Variants in PPFIBP2 observed in about 807,000 individuals in gnomAD.
The protein encoded by PPFIBP2 is liprin-beta-2.
Under a neutral mutation model 118.3 loss-of-function variants are expected in PPFIBP2, and 118 were observed. The observed-to-expected ratio is 1.00, with a 90% CI of 0.86 to 1.16. The LOEUF is 1.16. Ranked by LOEUF, PPFIBP2 falls within the 50% of genes most tolerant of loss-of-function variation. PPFIBP2 has a pLI of 0.00. For synonymous variants in PPFIBP2, 414 were observed against 397.4 expected (o/e 1.04, Z -0.50); for missense variants, 1,195 against 1,073.1 (o/e 1.11, Z -1.59).
chr11:7,665,718 C>G, the PPFIBP2 span: 1 of 1,167,182 alleles, frequency 8.6e-7, no homozygotes. Flanking sequence ...GTAAACAGCC[C>G]TCTGCAGCAA....
At chr11:7,538,984 A>G (rs1445702648) in intron 1 of PPFIBP2, among the ~76,000 whole-genome samples, 3 of 152,196 alleles carry the variant, frequency 2.0e-5, no homozygotes, top group Non-Finnish European at 4.4e-5. Flanking sequence ...AGCTTTGAAC[A>G]AATGTTTGCT....
rs1017213015 is a variant in PPFIBP2 at position 7,545,166 on chromosome 11, C to T, written c.-36-4274C>T. ...AGACAGGGCCAGGCATGGTGGCTCA[C>T]GCCTGTAATCCCAGCACTTTGGGAG... On this transcript the variant is annotated intron_variant, in intron 1 of 23. Transcript: ENST00000299492. 6.6e-5 allele frequency among the ~76,000 whole-genome samples: 10 copies of T among 152,166 alleles called. 1 individual carries two copies. Among genetic ancestry groups the T allele is most frequent in the Non-Finnish European group, 1.2e-4 (8 of 68,024 alleles).
chr11:7,653,319 C>A lies in PPFIBP2; in HGVS notation c.*101C>A. The A allele has an allele frequency of 6.5e-7, 1 of 1,540,968 alleles. No homozygotes were observed. Among genetic ancestry groups the A allele is most frequent in the Admixed American group, 1.9e-5 (1 of 51,556 alleles). ...CACCCCCGCACGTGTGCATGACTCG[C>A]AGAGAATATTCCAGCAATTGTGTAC... On this transcript the variant is annotated 3_prime_UTR_variant, in exon 24 of 24. Coordinates refer to ENST00000299492, the MANE Select transcript of PPFIBP2 (RefSeq NM_003621.5).
At chr11:7,621,159 G>C (rs1478564944) in intron 7 of PPFIBP2, 132 bp downstream of exon 7, 1 of 665,510 alleles carries the variant, frequency 1.5e-6, no homozygotes, top group East Asian at 2.7e-5. Flanking sequence ...ACACACAGCA[G>C]TGCCCAGATG....
intron 17 of PPFIBP2, among the ~76,000 whole-genome samples, 178 bp downstream of exon 17, chr11:7,642,604 G>C (rs1026450929): frequency 6.6e-6 from 1 of 152,142 alleles, no homozygotes. Context: ...CCTAAGTTCT[G>C]AGTTACTCAG....
At chr11:7,553,219 AATT>A (rs1177364613) in intron 2 of PPFIBP2, among the ~76,000 whole-genome samples, 1 of 141,564 alleles carries the variant, frequency 7.1e-6, no homozygotes, top group Non-Finnish European at 1.5e-5. Context: ...TGGAATAACA[AATT>A]ATTATTATTT....
chr11:7,651,820 A>C lies in PPFIBP2; in HGVS notation c.2412A>C (p.Pro804=). The C allele has an allele frequency of 6.2e-7, 1 of 1,611,996 alleles. No individual in the cohort carries two copies. The highest frequency in any genetic ancestry group is 8.5e-7 in the Non-Finnish European group (1 of 1,178,338). ...REKMASPAYT[P]LTTTAKVRPR... Reference sequence around the variant, plus strand: ...AAATGGCCTCACCAGCTTACACACCACTGACCACCACAGCCAAAGTCCGGG... The same window carrying C: ...AAATGGCCTCACCAGCTTACACACCCCTGACCACCACAGCCAAAGTCCGGG... The change falls in exon 23 of 24, where the codon CCA becomes CCC. Residue 804 remains proline, a synonymous_variant. Coordinates refer to ENST00000299492, the MANE Select transcript of PPFIBP2 (RefSeq NM_003621.5).
chr11:7,610,247 T>A (rs1185847025), intron 5 of PPFIBP2, 44 bp from the exon 6 acceptor site: 2 of 1,597,426 alleles, frequency 1.3e-6, no homozygotes, highest in Non-Finnish European at 1.7e-6. Flanking sequence ...GCTGTTCTTA[T>A]TGCCATAGTG....
the PPFIBP2 span, chr11:7,665,535 T>A: frequency 2.5e-6 from 4 of 1,605,358 alleles, no homozygotes; most frequent in Admixed American, 3.4e-5. Flanking sequence ...AAGCCTGAGC[T>A]GTACTTCCAG....
At chr11:7,521,845 C>A (rs1202267587) in intron 1 of PPFIBP2, among the ~76,000 whole-genome samples, 1 of 152,088 alleles carries the variant, frequency 6.6e-6, no homozygotes, top group African/African-American at 2.4e-5. Flanking sequence ...GGAGCAGAAG[C>A]TGAAAGACTG....
intron 1 of PPFIBP2, among the ~76,000 whole-genome samples, chr11:7,524,553 A>T (rs1471408920): frequency 6.6e-6 from 1 of 152,184 alleles, no homozygotes; most frequent in African/African-American, 2.4e-5. Context: ...AAGTAAAGAC[A>T]CTTTTGAAGG....
At chr11:7,664,767 G>GAGAC in the PPFIBP2 span, among the ~76,000 whole-genome samples, 1 of 152,132 alleles carries the variant, frequency 6.6e-6, no homozygotes, top group Non-Finnish European at 1.5e-5. Context: ...GATCCCCAAG[G>GAGAC]AGACAGTGAA....
At chr11:7,599,933 T>G (rs58311561) in intron 5 of PPFIBP2, among the ~76,000 whole-genome samples, 1 of 151,488 alleles carries the variant, frequency 6.6e-6, no homozygotes, top group Non-Finnish European at 1.5e-5. Context: ...TGTGAGCCAC[T>G]GCGCCCGGCC....
At chr11:7,644,192 A>G (rs1171631591) in intron 17 of PPFIBP2, among the ~76,000 whole-genome samples, 1 of 152,178 alleles carries the variant, frequency 6.6e-6, no homozygotes, top group Non-Finnish European at 1.5e-5. Flanking sequence ...ATTGTGACAA[A>G]GTATTTTTAG....
intron 5 of PPFIBP2, among the ~76,000 whole-genome samples, chr11:7,600,576 C>T (rs182566681): frequency 4.6e-5 from 7 of 152,324 alleles, no homozygotes; most frequent in African/African-American, 9.6e-5. Flanking sequence ...CTCTTTCTGC[C>T]AGCCTCAGAA....
At chr11:7,638,258 C>T (rs1851699051) in intron 14 of PPFIBP2, among the ~76,000 whole-genome samples, 1 of 152,186 alleles carries the variant, frequency 6.6e-6, no homozygotes, top group Non-Finnish European at 1.5e-5. Flanking sequence ...GCAGCCGGCA[C>T]ATGAACTACC....
At chr11:7,623,108 G>A (rs1386875617) in intron 7 of PPFIBP2, among the ~76,000 whole-genome samples, 1 of 152,038 alleles carries the variant, frequency 6.6e-6, no homozygotes, top group Non-Finnish European at 1.5e-5. Flanking sequence ...TTCACATCTG[G>A]GTCTCTGTCA....
At chr11:7,534,942 G>A (rs1195477667) in intron 1 of PPFIBP2, among the ~76,000 whole-genome samples, 1 of 152,254 alleles carries the variant, frequency 6.6e-6, no homozygotes, top group Non-Finnish European at 1.5e-5. Context: ...GGCACCATGT[G>A]CATTGCAGGT....
chr11:7,565,576 A>C lies in PPFIBP2; in HGVS notation c.88A>C (p.Ser30Arg). Residue 30 changes from serine (S) to arginine (R), a missense_variant, in exon 3 of 24, where the codon AGT becomes CGT. Coordinates refer to ENST00000299492, the MANE Select transcript of PPFIBP2 (RefSeq NM_003621.5). Reference protein sequence around the residue: ...IAGTKTGADLSDGTCEPGLAS... With the variant: ...IAGTKTGADLRDGTCEPGLAS... ...AGGCACTAAAACAGGTGCAGATCTT[A>C]GTGATGGTACTTGTGAGCCTGGACT... 1.2e-6 allele frequency: 2 copies of C among 1,614,112 alleles called. No individual in the cohort carries two copies. The highest frequency in any genetic ancestry group is 1.7e-6 in the Non-Finnish European group (2 of 1,180,012).
Sources: allele counts gnomAD v4.1 joint callset (sites outside exome capture counted in the v4.1 genomes callset), GRCh38; gene constraint gnomAD v4.1.1; transcripts MANE v1.5; gene names NCBI Gene and HGNC (gene_info 2026-07-23, HGNC 2026-07-21).